The following TCF12 variants were observed in gnomAD, a reference collection of about 807,000 sequenced individuals.
The protein encoded by TCF12 is DNA-binding protein HTF4.
TCF12 carries 45 observed loss-of-function variants against 86.0 expected under a neutral mutation model. The ratio of observed to expected loss-of-function variants is 0.52; its 90% confidence interval spans 0.41 to 0.67. The LOEUF is 0.67. TCF12 is among the 30% of genes least tolerant of loss of function. The probability of loss-of-function intolerance (pLI) is 0.00; values close to 1 mark genes in which losing one functional copy is unlikely to be tolerated. For synonymous variants in TCF12, 330 were observed against 299.6 expected, an observed-to-expected ratio of 1.10 and a Z score of -1.05; for missense variants, 881 against 859.9, an observed-to-expected ratio of 1.02 and a Z score of -0.31.
At chr15:57,270,981 G>A (rs1160458862) in intron 18 of TCF12, among the ~76,000 whole-genome samples, 1 of 152,142 alleles carries the variant, frequency 6.6e-6, no homozygotes, top group Non-Finnish European at 1.5e-5. Context: ...GTGTCTGTTG[G>A]CCTCTACTGG....
At chr15:57,196,112 G>T (rs1014094583) in intron 7 of TCF12, among the ~76,000 whole-genome samples, 6 of 151,830 alleles carry the variant, frequency 4.0e-5, no homozygotes, top group Non-Finnish European at 8.8e-5. Context: ...ATCACTTGAG[G>T]CCACCTCTAC....
At chr15:57,047,757 G>C (rs2067328225) in intron 3 of TCF12, among the ~76,000 whole-genome samples, 1 of 152,116 alleles carries the variant, frequency 6.6e-6, no homozygotes, top group Non-Finnish European at 1.5e-5. Context: ...CCCCATTGTT[G>C]TGTGTCACTT....
At position 57,159,630 on chromosome 15, in the gene TCF12, A is replaced by G. The variant is rs557282998; in HGVS notation, c.326-6772A>G. 5.9e-5 allele frequency among the ~76,000 whole-genome samples: 9 copies of G among 152,348 alleles called. No homozygotes were observed. The South Asian group carries it at 1.7e-3, about 28-fold the overall frequency. On this transcript the variant is annotated intron_variant, in intron 5 of 20. Transcript: ENST00000333725. Reference sequence around the variant, plus strand: ...CACTGAAATATTTCATTTTGAACATAGTAATGTTGATCTCATTAACTTTTT... The same window carrying G: ...CACTGAAATATTTCATTTTGAACATGGTAATGTTGATCTCATTAACTTTTT...
intron 7 of TCF12, among the ~76,000 whole-genome samples, chr15:57,195,676 T>G (rs1773642346): frequency 6.6e-6 from 1 of 152,230 alleles, no homozygotes. Context: ...TCCTGGGATA[T>G]TCACTGTAGA....
chr15:57,227,248 C>G (rs1164810114), intron 8 of TCF12, among the ~76,000 whole-genome samples: 1 of 152,072 alleles, frequency 6.6e-6, no homozygotes, highest in East Asian at 1.9e-4. Context: ...TTCTCAATAA[C>G]AGAAAGTCAT....
chr15:57,036,338 G>A lies in TCF12; in HGVS notation c.149-27412G>A, dbSNP rs180962719. Among the ~76,000 whole-genome samples, 106 of 152,202 alleles carry A rather than the reference G, an allele frequency of 7.0e-4. 1 individual carries two copies. The highest frequency in any genetic ancestry group is 5.6e-3 in the Admixed American group (85 of 15,288). ...AGATATTTTAAAGGGGAGGTTGACT[G>A]CGTTTGTAATCTGGCATTTCTCTTT... On this transcript the variant is annotated intron_variant, in intron 3 of 20. Coordinates refer to ENST00000333725, the MANE Select transcript of TCF12 (RefSeq NM_207037.2).
In TCF12 at chr15:57,253,405, T is replaced by G; in HGVS notation, c.1404T>G (p.Ile468Met). Reference sequence around the variant, plus strand: ...TGGGACCATCCCATAATGCACCAATTGGAAGCCTCAATTCAAACTATGGAG... The same window carrying G: ...TGGGACCATCCCATAATGCACCAATGGGAAGCCTCAATTCAAACTATGGAG... ...SLLGPSHNAP[I>M]GSLNSNYGGS... The change falls in exon 16 of 21, where the codon ATT becomes ATG. Residue 468 changes from isoleucine (I) to methionine (M), a missense_variant. Around this residue, in one of 3 missense-constraint regions of TCF12, gnomAD observed 766 missense variants for 718.9 expected, o/e 1.07. Transcript: ENST00000333725. 4 of 1,614,120 alleles carry G rather than the reference T, an allele frequency of 2.5e-6. No individual in the cohort carries two copies. Among genetic ancestry groups the G allele is most frequent in the Middle Eastern group, 1.7e-4 (1 of 6,060 alleles).
chr15:57,154,407 A>G (rs1343737480), intron 5 of TCF12, among the ~76,000 whole-genome samples: 2 of 152,138 alleles, frequency 1.3e-5, no homozygotes, highest in Middle Eastern at 3.2e-3. Context: ...GGACCATCAG[A>G]CCCAAGGTGC....
chr15:57,133,390 C>T (rs1230903960), intron 5 of TCF12, among the ~76,000 whole-genome samples: 1 of 152,158 alleles, frequency 6.6e-6, no homozygotes, highest in Non-Finnish European at 1.5e-5. Flanking sequence ...AGTTTGTATC[C>T]TCTAGTGAAT....
At chr15:57,175,357 C>G (rs1298310647) in intron 6 of TCF12, among the ~76,000 whole-genome samples, 1 of 151,942 alleles carries the variant, frequency 6.6e-6, no homozygotes, top group Non-Finnish European at 1.5e-5. Context: ...GATCTTGTGT[C>G]TTAAAAAAAA....
At chr15:57,087,267 C>T (rs961094527) in intron 4 of TCF12, among the ~76,000 whole-genome samples, 4 of 151,760 alleles carry the variant, frequency 2.6e-5, no homozygotes, top group African/African-American at 9.7e-5. Context: ...AAAATATTGG[C>T]TGGTCGTGGT....
chr15:57,104,869 T>TG (rs1336710653), intron 5 of TCF12, among the ~76,000 whole-genome samples: 10 of 133,008 alleles, frequency 7.5e-5, no homozygotes, highest in African/African-American at 2.6e-4. Flanking sequence ...GTGTTTTTTT[T>TG]TTTTTTTTTT....
chr15:56,941,519 T>C (rs927674505), intron 3 of TCF12, among the ~76,000 whole-genome samples: 1 of 151,838 alleles, frequency 6.6e-6, no homozygotes, highest in Non-Finnish European at 1.5e-5. Flanking sequence ...ATTACAGGCA[T>C]GCACCACCAC....
chr15:57,201,778 A>G (rs1188656034), intron 8 of TCF12, among the ~76,000 whole-genome samples: 4 of 152,116 alleles, frequency 2.6e-5, no homozygotes, highest in African/African-American at 9.7e-5. Flanking sequence ...CTTCCGTTTT[A>G]GGGTTCTTAA....
At chr15:57,277,627 CAAAA>C (rs572510620) in intron 19 of TCF12, among the ~76,000 whole-genome samples, 1 of 74,908 alleles carries the variant, frequency 1.3e-5, no homozygotes. Context: ...GACTCCATCT[CAAAA>C]AAAAAAAAAA....
At chr15:57,137,625 T>A (rs72731949) in intron 5 of TCF12, among the ~76,000 whole-genome samples, 3,297 of 152,350 alleles carry the variant, frequency 0.022, 66 homozygotes, top group Non-Finnish European at 0.032. Flanking sequence ...ACTCTGCAAC[T>A]GCTATCTAGA....
At chr15:56,998,151 A>G (rs2063809915) in intron 3 of TCF12, among the ~76,000 whole-genome samples, 1 of 152,144 alleles carries the variant, frequency 6.6e-6, no homozygotes, top group Admixed American at 6.5e-5. Context: ...AGAAATTACT[A>G]ATGGTATAGA....
Position 57,289,476 on chromosome 15 carries a change from C to G in TCF12, c.*3331C>G, listed in dbSNP as rs1234476585. 1.3e-5 allele frequency: 2 copies of G among 152,172 alleles called. No individual in the cohort carries two copies. Among genetic ancestry groups the G allele is most frequent in the Non-Finnish European group, 2.9e-5 (2 of 68,034 alleles). The allele number at this position is 152,172 out of a possible 1,614,324, so 9.4% of individuals were successfully genotyped here. ...CTCCCTGCCTTGACTTTCTCTTTCT[C>G]TTTGCAGATTTCTAGGCCGCTTCTG... is the stretch of plus-strand genomic sequence containing the variant. On this transcript the variant is annotated 3_prime_UTR_variant, in exon 21 of 21. Coordinates refer to ENST00000333725, the MANE Select transcript of TCF12 (RefSeq NM_207037.2).
chr15:57,199,170 A>G (rs1368789085), intron 8 of TCF12, among the ~76,000 whole-genome samples: 3 of 152,114 alleles, frequency 2.0e-5, no homozygotes, highest in African/African-American at 7.2e-5. Context: ...AATGAACACA[A>G]TGCCTCAAAT....
Sources: allele counts gnomAD v4.1 joint callset (sites outside exome capture counted in the v4.1 genomes callset), GRCh38; gene constraint gnomAD v4.1.1; regional missense constraint gnomAD v4.1.1; transcripts MANE v1.5; gene names NCBI Gene and HGNC (gene_info 2026-07-23, HGNC 2026-07-21).